The following DPF3 variants were observed in gnomAD, a reference collection of about 807,000 sequenced individuals.
The protein encoded by DPF3 is double PHD fingers 3, also known as zinc finger protein DPF3.
DPF3 carries 18 observed loss-of-function variants against 56.8 expected under a neutral mutation model. That is an observed-to-expected ratio of 0.32 (90% CI 0.22 to 0.47). The LOEUF (loss-of-function observed/expected upper bound fraction) is 0.47, where lower values mean the gene tolerates loss of function less well. Ranked by LOEUF, DPF3 falls within the 20% of genes least tolerant of loss-of-function variation. The probability of loss-of-function intolerance (pLI) is 1.00; values close to 1 mark genes in which losing one functional copy is unlikely to be tolerated. For synonymous variants in DPF3, 188 were observed against 180.2 expected (o/e 1.04, Z -0.35); for missense variants, 403 against 488.8 (o/e 0.82, Z 1.65).
chr14:72,672,018 A>G, intron 8 of DPF3, among the ~76,000 whole-genome samples: 1 of 149,422 alleles, frequency 6.7e-6, no homozygotes, highest in South Asian at 2.1e-4. Flanking sequence ...ATACATGTGC[A>G]CGTGTGCACA....
At chr14:72,854,305 G>C (rs970736998) in intron 1 of DPF3, among the ~76,000 whole-genome samples, 1 of 150,556 alleles carries the variant, frequency 6.6e-6, no homozygotes, top group African/African-American at 2.4e-5. Context: ...GCAGTGAGCC[G>C]AGATCACACT....
intron 7 of DPF3, among the ~76,000 whole-genome samples, chr14:72,691,008 G>A (rs915124833): frequency 6.6e-6 from 1 of 152,212 alleles, no homozygotes; most frequent in Non-Finnish European, 1.5e-5. Context: ...GGCTGCCTCA[G>A]TACAGGTCAG....
chr14:72,640,350 T>C (rs1018376550), intron 8 of DPF3, among the ~76,000 whole-genome samples: 31 of 152,146 alleles, frequency 2.0e-4, no homozygotes, highest in African/African-American at 7.2e-4. Context: ...TGGTGATAGG[T>C]CAGAAGGCAG....
In DPF3 at chr14:72,712,006, TA is replaced by T. The variant is rs1888672938; in HGVS notation, c.604+2416del. Among the ~76,000 whole-genome samples the T allele has an allele frequency of 2.0e-5, 3 of 151,076 alleles. No individual in the cohort carries two copies. The South Asian group carries it at 6.3e-4, about 32-fold the overall frequency. On this transcript the variant is annotated intron_variant, in intron 6 of 10. Coordinates refer to ENST00000556509, the MANE Select transcript of DPF3 (RefSeq NM_001280542.3). The stretch of plus-strand genomic sequence containing the variant: ...ATGTCTGAAGGGCACCAGATAAAAA[TA>T]AAGTCTATTAATCACCGAGCTGCCA...
At chr14:72,743,017 C>T (rs970332135) in intron 3 of DPF3, among the ~76,000 whole-genome samples, 9 of 152,206 alleles carry the variant, frequency 5.9e-5, no homozygotes, top group Non-Finnish European at 1.0e-4. Flanking sequence ...CCACTGTCGT[C>T]TTCGGGGTGC....
chr14:72,662,097 T>C (rs1042142073), intron 8 of DPF3: 1 of 985,224 alleles, frequency 1.0e-6, no homozygotes, highest in Non-Finnish European at 1.2e-6. Flanking sequence ...TTCAGTCAAA[T>C]CTTAACACAC....
At chr14:72,679,260 C>T (rs1235016941) in intron 7 of DPF3, 3 of 152,268 alleles carry the variant, frequency 2.0e-5, no homozygotes, top group Admixed American at 6.5e-5. Context: ...AACAGCCACT[C>T]GTCTGGGTTC....
chr14:72,798,419 A>AAAAT (rs1567236226), intron 1 of DPF3, among the ~76,000 whole-genome samples: 1 of 152,020 alleles, frequency 6.6e-6, no homozygotes, highest in African/African-American at 2.4e-5. Context: ...CCATATTTTC[A>AAAAT]ACATACATAC....
chr14:72,881,716 T>C (rs1489140102), intron 1 of DPF3, among the ~76,000 whole-genome samples: 1 of 151,716 alleles, frequency 6.6e-6, no homozygotes, highest in Admixed American at 6.6e-5. Flanking sequence ...GCAATCTCCA[T>C]GCACTGCTGA....
intron 2 of DPF3, among the ~76,000 whole-genome samples, chr14:72,769,921 T>A (rs1477265377): frequency 6.6e-6 from 1 of 152,154 alleles, no homozygotes; most frequent in Non-Finnish European, 1.5e-5. Context: ...AAAAAAGTCA[T>A]TTATCCTGCC....
intron 1 of DPF3, among the ~76,000 whole-genome samples, chr14:72,823,752 C>A (rs1230043302): frequency 6.6e-6 from 1 of 152,178 alleles, no homozygotes; most frequent in Non-Finnish European, 1.5e-5. Context: ...TGTTAAAAAT[C>A]ACATTTACCC....
At chr14:72,675,372 C>G (rs1886865351) in intron 7 of DPF3, 1 of 152,186 alleles carries the variant, frequency 6.6e-6, no homozygotes, top group African/African-American at 2.4e-5. Flanking sequence ...ATTCACACTC[C>G]CTGTTTGTAA....
At chr14:72,627,983 G>C (rs904735116) in intron 9 of DPF3, among the ~76,000 whole-genome samples, 1 of 151,998 alleles carries the variant, frequency 6.6e-6, no homozygotes, top group African/African-American at 2.4e-5. Flanking sequence ...TTTATAATCT[G>C]TTACCTTTTA....
chr14:72,707,296 T>A (rs1197936345), intron 6 of DPF3, among the ~76,000 whole-genome samples: 1 of 152,192 alleles, frequency 6.6e-6, no homozygotes, highest in Non-Finnish European at 1.5e-5. Context: ...TACGTGTGCA[T>A]GTGTCTTTAT....
At chr14:72,798,839 C>T (rs1459920759) in intron 1 of DPF3, among the ~76,000 whole-genome samples, 1 of 152,240 alleles carries the variant, frequency 6.6e-6, no homozygotes, top group Non-Finnish European at 1.5e-5. Flanking sequence ...TTGGCAACTC[C>T]TTCCACAATG....
chr14:72,622,195 T>C (rs1468460798), intron 9 of DPF3, among the ~76,000 whole-genome samples: 1 of 152,148 alleles, frequency 6.6e-6, no homozygotes, highest in African/African-American at 2.4e-5. Flanking sequence ...GTAGCTTTCA[T>C]TGAATTCTCT....
intron 4 of DPF3, among the ~76,000 whole-genome samples, chr14:72,726,799 T>A (rs1889425099): frequency 6.6e-6 from 1 of 152,204 alleles, no homozygotes; most frequent in Non-Finnish European, 1.5e-5. Context: ...TTCTCCCTGT[T>A]ACTCTAAACA....
At chr14:72,652,421 G>A (rs1885939607) in intron 8 of DPF3, among the ~76,000 whole-genome samples, 2 of 152,198 alleles carry the variant, frequency 1.3e-5, no homozygotes, top group South Asian at 4.1e-4. Context: ...CAGCCAGAAT[G>A]AGCTGTGATT....
chr14:72,619,434 C>T lies in DPF3; in HGVS notation c.1067-67G>A. 16 of 1,493,054 alleles carry T rather than the reference C, an allele frequency of 1.1e-5. 1 individual carries two copies. In the South Asian group the frequency reaches 1.8e-4, roughly 17 times the overall value. The allele number at this position is 1,493,054 out of a possible 1,614,324, so 92.5% of individuals were successfully genotyped here. Reference sequence around the variant, plus strand: ...ACTCTGGAGCCCCACCCCACTGGCCCTAACTTCTTGTAAATCCTGTTTCCT... The same window carrying T: ...ACTCTGGAGCCCCACCCCACTGGCCTTAACTTCTTGTAAATCCTGTTTCCT... On this transcript the variant is annotated intron_variant, in intron 10 of 10. Coordinates refer to ENST00000556509, the MANE Select transcript of DPF3 (RefSeq NM_001280542.3).
Sources: allele counts gnomAD v4.1 joint callset (sites outside exome capture counted in the v4.1 genomes callset), GRCh38; gene constraint gnomAD v4.1.1; transcripts MANE v1.5; gene names NCBI Gene and HGNC (gene_info 2026-07-23, HGNC 2026-07-21).